The following WDTC1 variants were observed in gnomAD, a reference collection of about 807,000 sequenced individuals.
WDTC1 encodes the protein WD and tetratricopeptide repeats 1.
WDTC1 carries 12 observed loss-of-function variants against 76.0 expected under a neutral mutation model. The observed-to-expected ratio is 0.16, with a 90% CI of 0.10 to 0.26. WDTC1 has a LOEUF of 0.26. Ranked by LOEUF, WDTC1 falls within the 10% of genes least tolerant of loss-of-function variation. The pLI, the probability that WDTC1 is intolerant of heterozygous loss-of-function variation, is 1.00. For missense variants in WDTC1, 511 were observed against 908.8 expected, an observed-to-expected ratio of 0.56 and a Z score of 5.63; for synonymous variants, 326 against 350.8, an observed-to-expected ratio of 0.93 and a Z score of 0.79.
At chr1:27,241,387 C>A (rs150967677) in intron 1 of WDTC1, among the ~76,000 whole-genome samples, 1 of 152,150 alleles carries the variant, frequency 6.6e-6, no homozygotes, top group African/African-American at 2.4e-5. Context: ...AACTGCTTAT[C>A]CTTGAACCTC....
At chr1:27,248,907 T>C (rs1275243574) in intron 1 of WDTC1, among the ~76,000 whole-genome samples, 2 of 152,118 alleles carry the variant, frequency 1.3e-5, no homozygotes, top group African/African-American at 2.4e-5. Flanking sequence ...TCTTCCCACA[T>C]TGGTCTCCCA....
At chr1:27,300,678 T>A (rs1398120962) in intron 12 of WDTC1, among the ~76,000 whole-genome samples, 1 of 152,126 alleles carries the variant, frequency 6.6e-6, no homozygotes, top group African/African-American at 2.4e-5. Context: ...AGGCCACAGC[T>A]GCTGTGGATC....
rs2013961341 is a variant in WDTC1, at chr1:27,306,575, C to G, written c.*192C>G. 1.5e-6 allele frequency: 1 copy of G among 677,320 alleles called. No individual in the cohort carries two copies. The highest frequency in any genetic ancestry group is 2.0e-5 in the South Asian group (1 of 51,048). The allele number at this position is 677,320 out of a possible 1,614,324, so 42.0% of individuals were successfully genotyped here. On this transcript the variant is annotated 3_prime_UTR_variant, in exon 16 of 16. Transcript: ENST00000319394. The surrounding 1 kb of genome is among the most constrained non-coding windows in gnomAD (Gnocchi z 5.0). ...GGCTTTCGGACTCTGGGCTGATTGT[C>G]CCCTGACTATCCCCAGCCCTGAAAA...
intron 3 of WDTC1, among the ~76,000 whole-genome samples, chr1:27,264,380 G>C (rs1298194855): frequency 1.3e-5 from 2 of 151,922 alleles, no homozygotes; most frequent in Non-Finnish European, 1.5e-5. Context: ...CTTGAGCCCA[G>C]GAGTTCAAGT....
At chr1:27,279,445 G>A (rs1226599063) in intron 3 of WDTC1, among the ~76,000 whole-genome samples, 1 of 152,158 alleles carries the variant, frequency 6.6e-6, no homozygotes, top group Non-Finnish European at 1.5e-5. Context: ...GGCTGGGGTG[G>A]GAGGATCGCT....
At chr1:27,254,436 A>G (rs1290753623) in intron 1 of WDTC1, among the ~76,000 whole-genome samples, 1 of 152,102 alleles carries the variant, frequency 6.6e-6, no homozygotes, top group Non-Finnish European at 1.5e-5. Context: ...GTCTCTGCAA[A>G]AAATACATAA....
chr1:27,269,039 T>G (rs2147942424), intron 3 of WDTC1, among the ~76,000 whole-genome samples: 1 of 149,344 alleles, frequency 6.7e-6, no homozygotes, highest in Admixed American at 6.6e-5. Context: ...AAATTAAAAA[T>G]GTAGGCTGGG....
At chr1:27,250,063 GA>G (rs368236658) in intron 1 of WDTC1, among the ~76,000 whole-genome samples, 82 of 152,226 alleles carry the variant, frequency 5.4e-4, no homozygotes, top group Middle Eastern at 3.4e-3. Context: ...TGGGGCGGGG[GA>G]AATGTTATAA....
chr1:27,288,273 T>TA (rs2013401897), intron 6 of WDTC1, among the ~76,000 whole-genome samples: 1 of 152,174 alleles, frequency 6.6e-6, no homozygotes, highest in Admixed American at 6.5e-5. Context: ...AGACAGACGT[T>TA]ATGCTTGTTT....
intron 3 of WDTC1, among the ~76,000 whole-genome samples, chr1:27,272,451 A>G (rs1301688226): frequency 1.3e-5 from 2 of 152,178 alleles, no homozygotes; most frequent in Non-Finnish European, 2.9e-5. Context: ...AATGAACTTC[A>G]AAGAAATCTT....
chr1:27,296,276 C>T, intron 9 of WDTC1, 50 bp from the exon 10 acceptor site: 3 of 1,609,558 alleles, frequency 1.9e-6, no homozygotes, highest in Non-Finnish European at 2.6e-6. Context: ...GGTTCAACCA[C>T]ATCCTTACCT....
chr1:27,282,400 C>A, intron 4 of WDTC1, 115 bp downstream of exon 4: 4 of 925,214 alleles, frequency 4.3e-6, no homozygotes, highest in Non-Finnish European at 6.6e-6. Flanking sequence ...TGAAAAGAGA[C>A]TGCTGCTGTC....
chr1:27,262,969 ATAC>A (rs538404902), intron 2 of WDTC1, among the ~76,000 whole-genome samples, 180 bp from the exon 3 acceptor site: 127 of 152,024 alleles, frequency 8.4e-4, no homozygotes, highest in African/African-American at 3.0e-3. Flanking sequence ...GCTTAATTAT[ATAC>A]TACTGTCTTC....
intron 1 of WDTC1, among the ~76,000 whole-genome samples, chr1:27,248,951 C>T (rs1404044769): frequency 1.3e-5 from 2 of 152,104 alleles, no homozygotes; most frequent in Admixed American, 1.3e-4. Flanking sequence ...GCCACTGCAC[C>T]CAGCCTTAAA....
chr1:27,305,075 TC>T lies in WDTC1; in HGVS notation c.1720del (p.Arg574ValfsTer62). The stretch of plus-strand genomic sequence containing the variant: ...TGGGAAAAGGAGACCACCAACCTGG[TC>T]CGTGTGCTCCAAGGGGATGAGTCCA... ...FIWEKETTNL[V>X]RVLQGDESIV... On this transcript the variant is annotated frameshift_variant, in exon 15 of 16. Transcript: ENST00000319394. LOFTEE classifies it high-confidence loss of function. The surrounding 1 kb of genome is among the most constrained non-coding windows in gnomAD (Gnocchi z 4.6). 6.2e-7 allele frequency: 1 copy of T among 1,613,986 alleles called. No individual in the cohort carries two copies. The highest frequency in any genetic ancestry group is 8.5e-7 in the Non-Finnish European group (1 of 1,179,972).
At chr1:27,258,456 C>T (rs1478792801) in intron 1 of WDTC1, among the ~76,000 whole-genome samples, 2 of 145,342 alleles carry the variant, frequency 1.4e-5, no homozygotes, top group Non-Finnish European at 3.0e-5. Context: ...CACTTGAACC[C>T]AGGAGGCAGA....
At chr1:27,285,951 A>G (rs1198642122) in intron 5 of WDTC1, among the ~76,000 whole-genome samples, 1 of 147,540 alleles carries the variant, frequency 6.8e-6, no homozygotes, top group Non-Finnish European at 1.5e-5. Context: ...TTTTCTTATC[A>G]GATGTCATCT....
intron 1 of WDTC1, among the ~76,000 whole-genome samples, chr1:27,241,546 G>A (rs2011631093): frequency 2.0e-5 from 3 of 152,070 alleles, no homozygotes. Context: ...AGTTAGAAAG[G>A]AAACATTTCT....
intron 8 of WDTC1, 75 bp from the exon 9 acceptor site, chr1:27,294,439 A>G (rs770272796): frequency 1.3e-4 from 179 of 1,346,182 alleles, no homozygotes; most frequent in Non-Finnish European, 1.7e-4. Context: ...AATTTTTGAT[A>G]TGACTGACTT....
Sources: allele counts gnomAD v4.1 joint callset (sites outside exome capture counted in the v4.1 genomes callset), GRCh38; gene constraint gnomAD v4.1.1; non-coding constraint Gnocchi (gnomAD v3.1); transcripts MANE v1.5; gene names NCBI Gene and HGNC (gene_info 2026-07-23, HGNC 2026-07-21).